Variants in SIPA1L1 observed in about 807,000 individuals in gnomAD.
SIPA1L1 encodes signal-induced proliferation-associated 1-like protein 1.
A neutral mutation model predicts 162.7 loss-of-function variants in SIPA1L1; 26 were observed. That is an observed-to-expected ratio of 0.16 (90% confidence interval 0.12 to 0.22). The LOEUF is 0.22. SIPA1L1 is among the 10% of genes least tolerant of loss of function. The probability of loss-of-function intolerance (pLI) is 1.00; values close to 1 mark genes in which losing one functional copy is unlikely to be tolerated. For synonymous variants in SIPA1L1, 829 were observed against 837.4 expected, an observed-to-expected ratio of 0.99 and a Z score of 0.17; for missense variants, 1,874 against 2,241.0, an observed-to-expected ratio of 0.84 and a Z score of 3.31.
chr14:71,737,267 T>G (rs1476196174), intron 22 of SIPA1L1, among the ~76,000 whole-genome samples: 2 of 152,186 alleles, frequency 1.3e-5, no homozygotes, highest in Admixed American at 1.3e-4. Flanking sequence ...ACTTGAATCT[T>G]TATTTTTAAA....
intron 2 of SIPA1L1, among the ~76,000 whole-genome samples, chr14:71,363,130 C>A (rs537931745): frequency 6.6e-6 from 1 of 152,298 alleles, no homozygotes; most frequent in African/African-American, 2.4e-5. Flanking sequence ...TCACCTTCAT[C>A]CAGTGATTGA....
At chr14:71,421,897 T>C (rs2043212161) in intron 2 of SIPA1L1, among the ~76,000 whole-genome samples, 1 of 152,162 alleles carries the variant, frequency 6.6e-6, no homozygotes, top group Admixed American at 6.5e-5. Flanking sequence ...AGGCCGTGAT[T>C]TTCTGGAGAT....
intron 4 of SIPA1L1, among the ~76,000 whole-genome samples, chr14:71,564,510 G>C (rs1435961043): frequency 2.1e-4 from 2 of 9,612 alleles, no homozygotes; most frequent in African/African-American, 1.1e-3. Flanking sequence ...TTCCGAGACA[G>C]AGTCTCACTC....
rs1045679615 is a variant in SIPA1L1, at chr14:71,731,069, C to T, written c.4861+768C>T. Among the ~76,000 whole-genome samples, 11 of 152,166 alleles carry T rather than the reference C, an allele frequency of 7.2e-5. 1 individual carries two copies. The highest frequency in any genetic ancestry group is 7.2e-4 in the Admixed American group (11 of 15,276). ...TGCTGGATGCACTGCTGTCACCCTTCCTCCCTTCTGTCCTTTTTCCTTTGG... is the reference window on the plus strand; with the variant it reads ...TGCTGGATGCACTGCTGTCACCCTTTCTCCCTTCTGTCCTTTTTCCTTTGG... On this transcript the variant is annotated intron_variant, in intron 20 of 23. Transcript: ENST00000381232.
intron 2 of SIPA1L1, among the ~76,000 whole-genome samples, chr14:71,419,896 C>T (rs967675150): frequency 2.0e-5 from 3 of 152,046 alleles, no homozygotes; most frequent in African/African-American, 7.2e-5. Flanking sequence ...TGGCATGCAC[C>T]TGTAGTCCCA....
rs2035149090 is a variant in SIPA1L1 at position 71,336,871 on chromosome 14, T to A, written c.-465+15690T>A. ...TGCTCTGATCTGTGACCAAGCTTTA[T>A]CATTTTTTTCCCTTTGAATTGATTT... On this transcript the variant is annotated intron_variant, in intron 2 of 23. Coordinates refer to ENST00000381232, the MANE Select transcript of SIPA1L1 (RefSeq NM_001386936.1). Among the ~76,000 whole-genome samples, 3 of 152,252 alleles carry A rather than the reference T, an allele frequency of 2.0e-5. No homozygotes were observed. The South Asian group carries it at 6.2e-4, about 31-fold the overall frequency.
Position 71,540,683 on chromosome 14 carries a change from ACTCTTGTTAGAACAGAATTTTC to A in SIPA1L1, c.-303+11317_-303+11338del, listed in dbSNP as rs113289185. 4.9e-4 allele frequency among the ~76,000 whole-genome samples: 74 copies of A among 152,250 alleles called. 2 individuals carry two copies. The highest frequency in any genetic ancestry group is 1.7e-3 in the African/African-American group (69 of 41,534). The stretch of plus-strand genomic sequence containing the variant: ...CAGTTTCACTGCTGAAAACATTCTG[ACTCTTGTTAGAACAGAATTTTC>A]CTCCTCCAAGAGAGATGGTTATTTA... On this transcript the variant is annotated intron_variant, in intron 4 of 23. Coordinates refer to ENST00000381232, the MANE Select transcript of SIPA1L1 (RefSeq NM_001386936.1).
chr14:71,355,410 A>G (rs1262981709), intron 2 of SIPA1L1, among the ~76,000 whole-genome samples: 1 of 152,184 alleles, frequency 6.6e-6, no homozygotes, highest in East Asian at 1.9e-4. Context: ...GATGGAGGAA[A>G]TCAGTGAAAA....
intron 13 of SIPA1L1, among the ~76,000 whole-genome samples, chr14:71,697,542 G>A (rs564395252): frequency 2.7e-4 from 41 of 152,310 alleles, no homozygotes; most frequent in Admixed American, 2.6e-4. Context: ...GGCAGTTTGC[G>A]TTATTGGAGA....
chr14:71,472,298 T>C (rs576308602), intron 2 of SIPA1L1, among the ~76,000 whole-genome samples: 2 of 151,998 alleles, frequency 1.3e-5, no homozygotes, highest in African/African-American at 4.8e-5. Flanking sequence ...ATTAAATCAG[T>C]ATTATTTTTC....
intron 2 of SIPA1L1, among the ~76,000 whole-genome samples, chr14:71,423,534 A>G (rs1159554050): frequency 2.0e-5 from 3 of 152,160 alleles, no homozygotes; most frequent in Admixed American, 6.5e-5. Flanking sequence ...TCTTTTGCAT[A>G]TGCAGTTTTC....
intron 2 of SIPA1L1, among the ~76,000 whole-genome samples, chr14:71,454,022 A>G (rs1195461798): frequency 6.6e-6 from 1 of 150,448 alleles, no homozygotes; most frequent in Non-Finnish European, 1.5e-5. Context: ...AAAAAAAAAA[A>G]AAAGGAAAAA....
At chr14:71,718,257 A>G (rs1035135497) in intron 17 of SIPA1L1, among the ~76,000 whole-genome samples, 2 of 152,234 alleles carry the variant, frequency 1.3e-5, no homozygotes, top group Non-Finnish European at 1.5e-5. Context: ...GCACAGCTTC[A>G]TGCTGTGAGT....
chr14:71,595,043 A>G (rs538884552), intron 5 of SIPA1L1, among the ~76,000 whole-genome samples: 101 of 152,106 alleles, frequency 6.6e-4, no homozygotes, highest in Non-Finnish European at 8.4e-4. Context: ...GCTCAGCTGC[A>G]CCCTGATCTG....
At chr14:71,356,754 G>A (rs2037312503) in intron 2 of SIPA1L1, among the ~76,000 whole-genome samples, 1 of 151,300 alleles carries the variant, frequency 6.6e-6, no homozygotes, top group African/African-American at 2.4e-5. Context: ...TTCACTGAGG[G>A]ATATAAAGAA....
chr14:71,365,043 G>A (rs1021032512), intron 2 of SIPA1L1, among the ~76,000 whole-genome samples: 3 of 150,842 alleles, frequency 2.0e-5, no homozygotes, highest in African/African-American at 4.9e-5. Context: ...CACCATGCTA[G>A]GCCAATTTTT....
intron 3 of SIPA1L1, among the ~76,000 whole-genome samples, chr14:71,526,615 G>A (rs992008168): frequency 3.3e-5 from 5 of 152,232 alleles, no homozygotes; most frequent in African/African-American, 7.2e-5. Flanking sequence ...AGCCAAGCCC[G>A]TATTGTCTAT....
intron 2 of SIPA1L1, among the ~76,000 whole-genome samples, chr14:71,390,089 C>T (rs1456375553): frequency 4.1e-4 from 63 of 152,108 alleles, no homozygotes; most frequent in Admixed American, 4.1e-3. Flanking sequence ...TCCAGCATTC[C>T]TTATGCTTAT....
At position 71,608,752 on chromosome 14, in the gene SIPA1L1, G is replaced by T. The variant is rs1386225193; in HGVS notation, c.1499-10005G>T. ...TCTACTAAAAATACAGAGGTAAGCC[G>T]GGCGTGGTGGTGCATGCCTGTAATC... On this transcript the variant is annotated intron_variant, in intron 5 of 23. Transcript: ENST00000381232. 2.6e-5 allele frequency among the ~76,000 whole-genome samples: 4 copies of T among 152,126 alleles called. No homozygotes were observed. The East Asian group carries it at 7.8e-4, about 29-fold the overall frequency.
Sources: allele counts gnomAD v4.1 joint callset (sites outside exome capture counted in the v4.1 genomes callset), GRCh38; gene constraint gnomAD v4.1.1; transcripts MANE v1.5; gene names NCBI Gene and HGNC (gene_info 2026-07-23, HGNC 2026-07-21).